The following C10orf90 variants were observed in gnomAD, a reference collection of about 807,000 sequenced individuals.
C10orf90 encodes (E2-independent) E3 ubiquitin-conjugating enzyme FATS.
A neutral mutation model predicts 62.5 loss-of-function variants in C10orf90; 56 were observed. The ratio of observed to expected loss-of-function variants is 0.90; its 90% CI spans 0.72 to 1.12. The LOEUF (loss-of-function observed/expected upper bound fraction) is 1.12, where lower values mean the gene tolerates loss of function less well. Ranked by LOEUF, C10orf90 falls within the 50% of genes most tolerant of loss-of-function variation. The pLI is 0.00. For synonymous variants in C10orf90, 386 were observed against 340.4 expected (o/e 1.13, Z -1.47); for missense variants, 970 against 880.4 (o/e 1.10, Z -1.29).
chr10:126,490,493 T>C (rs1209245583), intron 4 of C10orf90, among the ~76,000 whole-genome samples: 1 of 151,966 alleles, frequency 6.6e-6, no homozygotes, highest in African/African-American at 2.4e-5. Context: ...AATGGGTATA[T>C]AGCGTTTAAT....
At chr10:126,563,915 G>C (rs1354867999) in intron 2 of C10orf90, among the ~76,000 whole-genome samples, 2 of 152,154 alleles carry the variant, frequency 1.3e-5, no homozygotes, top group African/African-American at 4.8e-5. Flanking sequence ...CTGAGAACAG[G>C]CGTTCTCAAT....
intron 2 of C10orf90, among the ~76,000 whole-genome samples, chr10:126,552,887 C>T (rs116518610): frequency 0.012 from 1,755 of 152,312 alleles, 27 homozygotes; most frequent in African/African-American, 0.037. Flanking sequence ...ATGGAAAACA[C>T]TCAGAATGCC....
At chr10:126,467,986 C>T (rs541075232) in intron 4 of C10orf90, among the ~76,000 whole-genome samples, 2 of 152,304 alleles carry the variant, frequency 1.3e-5, no homozygotes, top group South Asian at 4.1e-4. Context: ...GGTTACTCCA[C>T]ATTCTTTTTG....
intron 2 of C10orf90, among the ~76,000 whole-genome samples, chr10:126,620,100 T>C (rs898191706): frequency 2.6e-5 from 4 of 152,198 alleles, no homozygotes; most frequent in Admixed American, 2.6e-4. Context: ...GTGTCTTTTA[T>C]GAGCAAGAGT....
intron 2 of C10orf90, among the ~76,000 whole-genome samples, chr10:126,548,106 T>C (rs972962258): frequency 6.6e-6 from 1 of 152,172 alleles, no homozygotes; most frequent in Non-Finnish European, 1.5e-5. Context: ...AAATGTGATG[T>C]GAAAGCCAAA....
At chr10:126,605,826 T>C (rs972123174) in intron 2 of C10orf90, among the ~76,000 whole-genome samples, 6 of 152,020 alleles carry the variant, frequency 3.9e-5, no homozygotes, top group Non-Finnish European at 8.8e-5. Context: ...AAAAGGCATG[T>C]CATGACATGG....
At chr10:126,496,650 C>A (rs1365144317) in intron 4 of C10orf90, 4 of 985,304 alleles carry the variant, frequency 4.1e-6, no homozygotes, top group Non-Finnish European at 4.8e-6. Flanking sequence ...TTACTTTTCA[C>A]AACCTACCTC....
chr10:126,464,880 G>A lies in C10orf90; in HGVS notation c.1641C>T (p.Pro547=). ...CATCGCTTGGAGAGCTATCCCCAAT[G>A]GGAAGGAAATGTCTAGTGGGCTTCT... The part of the protein sequence containing the change: ...VEQKPTRHFL[P]IGDSSPSDDC... The change falls in exon 5 of 10, where the codon CCC becomes CCT. Residue 547 remains proline (P), a synonymous_variant. Coordinates refer to ENST00000488181, the MANE Select transcript of C10orf90 (RefSeq NM_001350921.2). The A allele has an allele frequency of 6.2e-7, 1 of 1,614,170 alleles. No homozygotes were observed. Among genetic ancestry groups the A allele is most frequent in the Non-Finnish European group, 8.5e-7 (1 of 1,180,020 alleles).
At chr10:126,493,835 A>G (rs991877281) in intron 4 of C10orf90, among the ~76,000 whole-genome samples, 36 of 152,352 alleles carry the variant, frequency 2.4e-4, no homozygotes, top group African/African-American at 8.4e-4. Flanking sequence ...CACAAAGTTC[A>G]TGAGGGTTTT....
chr10:126,471,526 G>C (rs1860584624), intron 4 of C10orf90, among the ~76,000 whole-genome samples: 1 of 152,192 alleles, frequency 6.6e-6, no homozygotes, highest in African/African-American at 2.4e-5. Flanking sequence ...TGGTCAGGAA[G>C]GGAGAAACAT....
intron 2 of C10orf90, among the ~76,000 whole-genome samples, chr10:126,593,731 T>C (rs1845027222): frequency 1.3e-5 from 2 of 152,102 alleles, no homozygotes; most frequent in Non-Finnish European, 2.9e-5. Flanking sequence ...AAAAGAAAAT[T>C]GTTTATTTCC....
chr10:126,432,448 A>T (rs756079647), intron 7 of C10orf90, among the ~76,000 whole-genome samples: 6 of 152,214 alleles, frequency 3.9e-5, no homozygotes, highest in Non-Finnish European at 7.3e-5. Flanking sequence ...ATGAGATTTC[A>T]TTTATTTTGG....
At chr10:126,486,229 C>T (rs898983305) in intron 4 of C10orf90, among the ~76,000 whole-genome samples, 1 of 152,190 alleles carries the variant, frequency 6.6e-6, no homozygotes, top group African/African-American at 2.4e-5. Context: ...CCCTTTCAGA[C>T]TTGGGGCCAA....
At chr10:126,471,791 C>T (rs11244994) in intron 4 of C10orf90, among the ~76,000 whole-genome samples, 4 of 152,094 alleles carry the variant, frequency 2.6e-5, no homozygotes, top group Non-Finnish European at 5.9e-5. Flanking sequence ...GGATAACTAG[C>T]CAGTTCTAGT....
intron 2 of C10orf90, among the ~76,000 whole-genome samples, chr10:126,622,857 A>G (rs1467867982): frequency 6.6e-6 from 1 of 152,240 alleles, no homozygotes; most frequent in Non-Finnish European, 1.5e-5. Context: ...ACAACCCTTC[A>G]GATACCTACT....
intron 4 of C10orf90, chr10:126,502,864 C>G (rs758427551): frequency 2.0e-6 from 1 of 512,140 alleles, no homozygotes; most frequent in Admixed American, 2.1e-5. Context: ...ATGGTTTAAT[C>G]AATCTGAAAG....
intron 2 of C10orf90, among the ~76,000 whole-genome samples, chr10:126,590,236 T>C (rs1481325933): frequency 6.6e-6 from 1 of 152,110 alleles, no homozygotes; most frequent in African/African-American, 2.4e-5. Flanking sequence ...CACACAATAA[T>C]AGTGGGAGAC....
chr10:126,427,370 C>G (rs7915359), intron 8 of C10orf90, among the ~76,000 whole-genome samples: 4,788 of 152,236 alleles, frequency 0.031, 250 homozygotes, highest in African/African-American at 0.11. Context: ...TCTCAATCAG[C>G]TGGCAGAGTG....
intron 3 of C10orf90, among the ~76,000 whole-genome samples, chr10:126,508,675 C>G (rs989370941): frequency 2.0e-5 from 3 of 152,204 alleles, no homozygotes; most frequent in African/African-American, 7.2e-5. Flanking sequence ...CCACCTGGGT[C>G]TAGCGTGGGC....
Sources: gnomAD v4.1 joint callset for allele counts (sites outside exome capture counted in the v4.1 genomes callset) on GRCh38, gnomAD v4.1.1 for gene constraint, MANE v1.5 for transcripts, NCBI Gene and HGNC (gene_info 2026-07-23, HGNC 2026-07-21) for gene names.